Variants in COX16 observed in about 807,000 individuals in gnomAD.
COX16 encodes cytochrome c oxidase assembly factor COX16, also known as cytochrome c oxidase assembly protein COX16 homolog, mitochondrial.
COX16 carries 12 observed loss-of-function variants against 15.4 expected under a neutral mutation model. The observed-to-expected ratio is 0.78, with a 90% CI of 0.50 to 1.26. The LOEUF (loss-of-function observed/expected upper bound fraction) is 1.26. Ranked by LOEUF, COX16 falls within the 50% of genes most tolerant of loss-of-function variation. COX16 has a pLI of 0.00. For missense variants in COX16, 124 were observed against 127.6 expected (o/e 0.97, Z 0.14); for synonymous variants, 46 against 41.1 (o/e 1.12, Z -0.46).
intron 1 of COX16, among the ~76,000 whole-genome samples, chr14:70,355,024 G>A (rs775077186): frequency 6.6e-6 from 1 of 152,008 alleles, no homozygotes; most frequent in Non-Finnish European, 1.5e-5. Context: ...ACCACTGCAG[G>A]ATCCAGCATA....
At chr14:70,345,031 A>G (rs1886733956) in intron 1 of COX16, among the ~76,000 whole-genome samples, 1 of 152,164 alleles carries the variant, frequency 6.6e-6, no homozygotes, top group Admixed American at 6.5e-5. Flanking sequence ...CGATACAAGA[A>G]CCGTACATCT....
chr14:70,327,341 A>ATACTC (rs77409787), intron 3 of COX16, among the ~76,000 whole-genome samples: 10,083 of 151,942 alleles, frequency 0.066, 381 homozygotes, highest in Middle Eastern at 0.12. Flanking sequence ...GTTGGACCAA[A>ATACTC]TACTCTACAT....
intron 2 of COX16, among the ~76,000 whole-genome samples, chr14:70,338,382 G>T (rs1886522431): frequency 6.6e-6 from 1 of 152,188 alleles, no homozygotes; most frequent in Non-Finnish European, 1.5e-5. Flanking sequence ...AAAGTGCTGG[G>T]ATTAACACAT....
chr14:70,359,486 C>T, intron 1 of COX16, 33 bp downstream of exon 1: 9 of 1,589,546 alleles, frequency 5.7e-6, no homozygotes, highest in Non-Finnish European at 7.8e-6. Context: ...GAGGGTCCCA[C>T]CCCTTGCGGA....
intron 1 of COX16, among the ~76,000 whole-genome samples, chr14:70,343,972 T>C (rs896733592): frequency 6.6e-6 from 1 of 152,066 alleles, no homozygotes; most frequent in Non-Finnish European, 1.5e-5. Context: ...GGGTAGGGGC[T>C]TGGGAAGTGG....
intron 1 of COX16, among the ~76,000 whole-genome samples, chr14:70,357,215 A>G (rs2877657): frequency 0.22 from 32,374 of 148,098 alleles, 4,813 homozygotes; most frequent in East Asian, 0.62. Context: ...GTTTAACATT[A>G]TGACTGTCTG....
intron 2 of COX16, among the ~76,000 whole-genome samples, chr14:70,337,956 A>G (rs1193061208): frequency 2.0e-5 from 3 of 152,222 alleles, no homozygotes; most frequent in Non-Finnish European, 2.9e-5. Context: ...TCATAATAGA[A>G]ATGTTGGGCA....
chr14:70,348,403 C>T (rs1318947832), intron 1 of COX16, among the ~76,000 whole-genome samples: 1 of 152,156 alleles, frequency 6.6e-6, no homozygotes, highest in Non-Finnish European at 1.5e-5. Flanking sequence ...AAGCTACAAC[C>T]GCCCAATACC....
chr14:70,357,158 C>CAAAAAAAAAAAAAAAAAAAAAAAAA (rs4048531), intron 1 of COX16, among the ~76,000 whole-genome samples: 1 of 78,700 alleles, frequency 1.3e-5, no homozygotes, highest in Non-Finnish European at 2.4e-5. Context: ...AAGCGTTTGT[C>CAAAAAAAAAAAAAAAAAAAAAAAAA]AAAAAAAAAA....
At chr14:70,334,248 C>A (rs551735388) in intron 2 of COX16, among the ~76,000 whole-genome samples, 3 of 152,148 alleles carry the variant, frequency 2.0e-5, no homozygotes, top group African/African-American at 7.2e-5. Context: ...TGTGGCCAGG[C>A]GCAGTGGCTC....
At chr14:70,337,054 A>C (rs753117354) in intron 2 of COX16, among the ~76,000 whole-genome samples, 1 of 152,204 alleles carries the variant, frequency 6.6e-6, no homozygotes, top group Non-Finnish European at 1.5e-5. Flanking sequence ...GGATAAGAAC[A>C]AAGGTTTGAA....
chr14:70,350,338 T>A (rs1171132243), intron 1 of COX16, among the ~76,000 whole-genome samples: 1 of 152,314 alleles, frequency 6.6e-6, no homozygotes, highest in Non-Finnish European at 1.5e-5. Context: ...TGTAAAACTT[T>A]CGTCCCGTCC....
At chr14:70,332,349 C>T (rs1448376223) in intron 2 of COX16, among the ~76,000 whole-genome samples, 1 of 152,208 alleles carries the variant, frequency 6.6e-6, no homozygotes, top group Non-Finnish European at 1.5e-5. Context: ...CACAGCAGAT[C>T]CTGAGGGGGC....
intron 1 of COX16, among the ~76,000 whole-genome samples, chr14:70,345,233 C>A (rs762653122): frequency 6.6e-6 from 1 of 152,238 alleles, no homozygotes; most frequent in African/African-American, 2.4e-5. Flanking sequence ...GGAAAATTCA[C>A]ACGGCCTCTC....
chr14:70,342,304 G>A (rs1886647277), intron 2 of COX16, among the ~76,000 whole-genome samples: 1 of 152,110 alleles, frequency 6.6e-6, no homozygotes, highest in Non-Finnish European at 1.5e-5. Context: ...AATTAGCCGG[G>A]TGGTAGTGGC....
intron 1 of COX16, among the ~76,000 whole-genome samples, chr14:70,348,444 C>A (rs1886846929): frequency 6.6e-6 from 1 of 152,178 alleles, no homozygotes. Context: ...ACTGTTCAAA[C>A]CTTTCTTACA....
chr14:70,347,259 A>G (rs1224037807), intron 1 of COX16, among the ~76,000 whole-genome samples: 1 of 152,174 alleles, frequency 6.6e-6, no homozygotes, highest in Non-Finnish European at 1.5e-5. Flanking sequence ...GATGGAACTT[A>G]TCACTTAGTC....
chr14:70,328,203 C>G (rs1886153994), intron 3 of COX16: 1 of 149,140 alleles, frequency 6.7e-6, no homozygotes, highest in African/African-American at 2.5e-5. Flanking sequence ...ACAAGATTCT[C>G]TGGGGAGATA....
chr14:70,331,724 CAAATAA>C, intron 2 of COX16, among the ~76,000 whole-genome samples: 1 of 107,064 alleles, frequency 9.3e-6, no homozygotes, highest in Non-Finnish European at 2.1e-5. Flanking sequence ...TTGGAATTAT[CAAATAA>C]AATTGAAGTA....
Sources: gnomAD v4.1 joint callset for allele counts (sites outside exome capture counted in the v4.1 genomes callset) on GRCh38, gnomAD v4.1.1 for gene constraint, MANE v1.5 for transcripts, NCBI Gene and HGNC (gene_info 2026-07-23, HGNC 2026-07-21) for gene names.